Variants in TJP1 observed in about 807,000 individuals in gnomAD.
The protein encoded by TJP1 is tight junction protein ZO-1.
Under a neutral mutation model 194.2 loss-of-function variants are expected in TJP1, and 43 were observed. That is an observed-to-expected ratio of 0.22 (90% CI 0.17 to 0.29). TJP1 has a LOEUF of 0.29. Among genes scored for constraint, TJP1 ranks in the 10% least tolerant of loss-of-function variants. The pLI is 1.00. For missense variants in TJP1, 1,971 were observed against 2,185.7 expected, an observed-to-expected ratio of 0.90 and a Z score of 1.96; for synonymous variants, 801 against 779.0, an observed-to-expected ratio of 1.03 and a Z score of -0.47.
In TJP1 at chr15:29,950,458, T is replaced by C. The variant is rs1227546446; in HGVS notation, c.306+5774A>G. Among the ~76,000 whole-genome samples, 3 of 151,246 alleles carry C rather than the reference T, an allele frequency of 2.0e-5. No homozygotes were observed. The East Asian group carries it at 5.9e-4, about 30-fold the overall frequency. ...CACCACCTCCTCTTCCACCACCAACTCCACCTCCACCATGACCTCCACCTC... is the reference window on the plus strand; with the variant it reads ...CACCACCTCCTCTTCCACCACCAACCCCACCTCCACCATGACCTCCACCTC... On this transcript the variant is annotated intron_variant, in intron 2 of 28. Coordinates refer to the TJP1 transcript ENST00000356107.
intron 8 of TJP1, among the ~76,000 whole-genome samples, chr15:29,745,888 A>T (rs1249877254): frequency 1.4e-4 from 21 of 152,152 alleles, no homozygotes; most frequent in Admixed American, 1.4e-3. Flanking sequence ...AAAAACCCAA[A>T]CCCTATATAT....
rs746405153 is a variant in TJP1 at position 29,712,809 on chromosome 15, TAA to T, written c.4203-1811_4203-1810del. 1.5e-3 allele frequency among the ~76,000 whole-genome samples: 159 copies of T among 108,190 alleles called. No individual in the cohort carries two copies. In the East Asian group the frequency reaches 0.026, roughly 18 times the overall value. 71.0% of individuals were successfully genotyped at this position (108,190 alleles called of 152,430 possible). On this transcript the variant is annotated intron_variant, in intron 23 of 27. Coordinates refer to ENST00000614355, the MANE Select transcript of TJP1 (RefSeq NM_001330239.4). ...AATAAGTGGGAGTGACATGTCCCAT[TAA>T]AAAAAAAAAAAAAAAGGCTGGGCAA...
In TJP1 at chr15:29,922,324, A is replaced by C. The variant is rs148453715; in HGVS notation, c.306+33908T>G. Among the ~76,000 whole-genome samples the C allele has an allele frequency of 7.9e-4, 121 of 152,246 alleles. 1 individual carries two copies. The highest frequency in any genetic ancestry group is 2.8e-3 in the African/African-American group (117 of 41,546). On this transcript the variant is annotated intron_variant, in intron 2 of 28. Coordinates refer to the TJP1 transcript ENST00000356107. ...ATAGTGAGGTCATGTCTCTACAGAAAATTTTTAATCTGTTTTCAAATGTAT... is the reference window on the plus strand; with the variant it reads ...ATAGTGAGGTCATGTCTCTACAGAACATTTTTAATCTGTTTTCAAATGTAT...
At chr15:29,728,374 C>T (rs768546261) in intron 15 of TJP1, 2 of 195,772 alleles carry the variant, frequency 1.0e-5, no homozygotes, top group East Asian at 1.4e-4. Flanking sequence ...TTGTATGGCA[C>T]ACTGAGATAA....
At chr15:29,767,717 G>GC (rs2046411274) in intron 4 of TJP1, among the ~76,000 whole-genome samples, 1 of 152,004 alleles carries the variant, frequency 6.6e-6, no homozygotes, top group Non-Finnish European at 1.5e-5. Flanking sequence ...CACTCAGCCT[G>GC]CTTTAAGATC....
intron 2 of TJP1, among the ~76,000 whole-genome samples, chr15:29,950,334 G>A (rs565228485): frequency 2.8e-4 from 27 of 95,346 alleles, no homozygotes; most frequent in African/African-American, 1.1e-3. Flanking sequence ...ACCACTTCCT[G>A]TGCCACCACC....
At chr15:29,791,630 T>C (rs1555419495) in intron 2 of TJP1, among the ~76,000 whole-genome samples, 1 of 151,548 alleles carries the variant, frequency 6.6e-6, no homozygotes, top group Non-Finnish European at 1.5e-5. Context: ...CCTGACTTCA[T>C]GACCCACCCA....
At chr15:29,810,710 T>C (rs1247421999) in intron 1 of TJP1, among the ~76,000 whole-genome samples, 1 of 151,990 alleles carries the variant, frequency 6.6e-6, no homozygotes, top group African/African-American at 2.4e-5. Flanking sequence ...AAGCACAGAG[T>C]TTTGACCTAG....
chr15:29,894,480 G>T (rs974598886), intron 2 of TJP1, among the ~76,000 whole-genome samples: 9 of 152,080 alleles, frequency 5.9e-5, no homozygotes, highest in Non-Finnish European at 1.3e-4. Flanking sequence ...ATGCAAAATT[G>T]AAAAAAGCAT....
chr15:29,783,799 G>A (rs935524501), intron 2 of TJP1, among the ~76,000 whole-genome samples: 2 of 152,136 alleles, frequency 1.3e-5, no homozygotes, highest in African/African-American at 4.8e-5. Context: ...GGGGACTACC[G>A]GAGGGTGGAG....
intron 1 of TJP1, among the ~76,000 whole-genome samples, chr15:29,809,429 G>C (rs1159514525): frequency 6.6e-6 from 1 of 152,112 alleles, no homozygotes; most frequent in African/African-American, 2.4e-5. Context: ...AACCAATAAA[G>C]CTGCAAGGGA....
At chr15:29,957,686 CTA>C (rs2055999199) in intron 1 of TJP1, among the ~76,000 whole-genome samples, 1 of 152,126 alleles carries the variant, frequency 6.6e-6, no homozygotes, top group African/African-American at 2.4e-5. Context: ...GTTTGTTTTC[CTA>C]TGTTTGTTAC....
intron 2 of TJP1, among the ~76,000 whole-genome samples, chr15:29,833,881 A>ATATATATATATTT (rs1555434000): frequency 4.0e-4 from 5 of 12,542 alleles, no homozygotes; most frequent in Non-Finnish European, 5.5e-4. Flanking sequence ...ATATATATAT[A>ATATATATATATTT]TTTTTTTTTT....
rs2041539879 is a variant in TJP1 at position 29,701,526 on chromosome 15, G to T, written c.*69C>A. 1.6e-6 allele frequency: 2 copies of T among 1,290,036 alleles called. No homozygotes were observed. The highest frequency in any genetic ancestry group is 1.5e-5 in the African/African-American group (1 of 67,876). 79.9% of individuals were successfully genotyped at this position (1,290,036 alleles called of 1,614,324 possible). A position where few individuals can be genotyped will look rare whatever the true frequency, so the allele number is the denominator to read the frequency against. On this transcript the variant is annotated 3_prime_UTR_variant, in exon 28 of 28. Coordinates refer to ENST00000614355, the MANE Select transcript of TJP1 (RefSeq NM_001330239.4). ...CAACTCTAAAAAAGGTATAATACTT[G>T]ATAGAGTGGTTCCATTTAGATTAAG...
chr15:29,748,044 G>A (rs1273975797), intron 8 of TJP1, among the ~76,000 whole-genome samples: 3 of 152,106 alleles, frequency 2.0e-5, no homozygotes, highest in Non-Finnish European at 4.4e-5. Flanking sequence ...ACCAAAAGAT[G>A]GAGGCATTTT....
intron 15 of TJP1, chr15:29,730,679 C>T (rs1410920824): frequency 8.1e-6 from 6 of 742,198 alleles, no homozygotes; most frequent in South Asian, 4.1e-5. Flanking sequence ...CTGCATCCCA[C>T]GTCCAGCACC....
rs550926809 is a variant in TJP1, at chr15:29,961,644, C to T, written c.174-5280G>A. ...AAGTCCAGGGCCCACCCTCTCGTTC[C>T]ACTTCCTACCCCTACCGGATGAACA... On this transcript the variant is annotated intron_variant, in intron 1 of 28. Transcript: ENST00000356107. Among the ~76,000 whole-genome samples the T allele has an allele frequency of 9.9e-5, 15 of 152,270 alleles. No homozygotes were observed. In the South Asian group the frequency reaches 2.7e-3, roughly 27 times the overall value.
chr15:29,852,028 G>A (rs1015651067), intron 2 of TJP1, among the ~76,000 whole-genome samples: 1 of 152,198 alleles, frequency 6.6e-6, no homozygotes, highest in Non-Finnish European at 1.5e-5. Context: ...AACTTTTAAG[G>A]TAAAAAATGA....
rs995121594 is a variant in TJP1 at position 29,862,780 on chromosome 15, T to C, written c.307-62078A>G. Among the ~76,000 whole-genome samples the C allele has an allele frequency of 1.4e-4, 21 of 151,388 alleles. No homozygotes were observed. In the East Asian group the frequency reaches 2.6e-3, roughly 19 times the overall value. On this transcript the variant is annotated intron_variant, in intron 2 of 28. Transcript: ENST00000356107. ...CTCCTGCCTCAGCCTCCCGTGTAGC[T>C]GGGACTACAGGTGCCTGCCACCACG...
Sources: allele counts gnomAD v4.1 joint callset (sites outside exome capture counted in the v4.1 genomes callset), GRCh38; gene constraint gnomAD v4.1.1; transcripts MANE v1.5; gene names NCBI Gene and HGNC (gene_info 2026-07-23, HGNC 2026-07-21).